The following RUNX2 variants were observed in gnomAD, a reference collection of about 807,000 sequenced individuals.
RUNX2 encodes the protein RUNX family transcription factor 2, also known as runt-related transcription factor 2.
A neutral mutation model predicts 51.7 loss-of-function variants in RUNX2; 10 were observed. That is an observed-to-expected ratio of 0.19 (90% CI 0.12 to 0.33). RUNX2 has a LOEUF of 0.33. Among genes scored for constraint, RUNX2 ranks in the 10% least tolerant of loss-of-function variants. The pLI, the probability that RUNX2 is intolerant of heterozygous loss-of-function variation, is 1.00. For missense variants in RUNX2, 562 were observed against 691.3 expected (o/e 0.81, Z 2.10); for synonymous variants, 276 against 273.6 (o/e 1.01, Z -0.09).
At chr6:45,499,758 T>C (rs1216458482) in intron 6 of RUNX2, among the ~76,000 whole-genome samples, 1 of 152,190 alleles carries the variant, frequency 6.6e-6, no homozygotes, top group African/African-American at 2.4e-5. Context: ...GAAGGGTTCA[T>C]CTCCTATATA....
At chr6:45,431,822 T>C in intron 3 of RUNX2, 41 bp from the exon 4 acceptor site, 1 of 1,608,198 alleles carries the variant, frequency 6.2e-7, no homozygotes. Flanking sequence ...TAAGCCTTTC[T>C]GATGTGCCAT....
chr6:45,530,217 T>C (rs1305238695), intron 7 of RUNX2, among the ~76,000 whole-genome samples: 3 of 152,248 alleles, frequency 2.0e-5, no homozygotes, highest in African/African-American at 4.8e-5. Flanking sequence ...GGGGTCTTCC[T>C]ACCACCATTT....
intron 2 of RUNX2, among the ~76,000 whole-genome samples, chr6:45,333,023 C>T (rs1440310645): frequency 1.3e-5 from 2 of 151,700 alleles, no homozygotes; most frequent in Non-Finnish European, 3.0e-5. Context: ...ACAATGAACT[C>T]CAATACTTGG....
chr6:45,369,189 T>G (rs1795635519), intron 2 of RUNX2, among the ~76,000 whole-genome samples: 1 of 152,054 alleles, frequency 6.6e-6, no homozygotes, highest in African/African-American at 2.4e-5. Flanking sequence ...CAGCCTCCTT[T>G]TCTACCACAG....
At chr6:45,423,124 G>C (rs2150362865) in intron 3 of RUNX2, among the ~76,000 whole-genome samples, 167 bp downstream of exon 3, 1 of 152,050 alleles carries the variant, frequency 6.6e-6, no homozygotes, top group Non-Finnish European at 1.5e-5. Flanking sequence ...GCCCTGGCGG[G>C]CTCGGGGCTC....
At chr6:45,516,837 G>A (rs575880461) in intron 7 of RUNX2, among the ~76,000 whole-genome samples, 1 of 152,168 alleles carries the variant, frequency 6.6e-6, no homozygotes, top group Admixed American at 6.5e-5. Context: ...AATAATTGCT[G>A]ACTTTCAAAA....
intron 2 of RUNX2, among the ~76,000 whole-genome samples, chr6:45,406,859 T>C (rs947744183): frequency 6.6e-6 from 1 of 152,156 alleles, no homozygotes; most frequent in Non-Finnish European, 1.5e-5. Flanking sequence ...CTAGGAAATA[T>C]ATGTGCTTTA....
chr6:45,422,311 G>A, intron 2 of RUNX2: 1 of 354,894 alleles, frequency 2.8e-6, no homozygotes, highest in Non-Finnish European at 5.1e-6. Context: ...CTGCCACCCC[G>A]GGTGTTCCAA....
chr6:45,507,346 G>C (rs1257003702), intron 6 of RUNX2, among the ~76,000 whole-genome samples: 1 of 152,062 alleles, frequency 6.6e-6, no homozygotes. Flanking sequence ...GTAACTTTAG[G>C]ATTGACTGAT....
rs556958989 is a variant in RUNX2, at chr6:45,509,711, G to A, written c.860-2535G>A. On this transcript the variant is annotated intron_variant, in intron 6 of 8. Transcript: ENST00000647337. Reference sequence around the variant, plus strand: ...CTAGAAAGCCCACTTGTTTCCCACTGTACTGAGCCGCCTTTCTGCACAAGG... The same window carrying A: ...CTAGAAAGCCCACTTGTTTCCCACTATACTGAGCCGCCTTTCTGCACAAGG... Among the ~76,000 whole-genome samples, 17 of 152,298 alleles carry A rather than the reference G, an allele frequency of 1.1e-4. No individual in the cohort carries two copies. The South Asian group carries it at 3.3e-3, about 30-fold the overall frequency.
At chr6:45,425,014 T>G (rs1563080789) in intron 3 of RUNX2, among the ~76,000 whole-genome samples, 1 of 152,132 alleles carries the variant, frequency 6.6e-6, no homozygotes, top group Non-Finnish European at 1.5e-5. Context: ...TATATGAGAA[T>G]GGAAATTTGT....
chr6:45,505,569 T>A (rs1800940617), intron 6 of RUNX2, among the ~76,000 whole-genome samples: 2 of 152,142 alleles, frequency 1.3e-5, no homozygotes, highest in Non-Finnish European at 2.9e-5. Flanking sequence ...TCAGAAGCTG[T>A]GGTCCTGCTC....
Position 45,365,539 on chromosome 6 carries a change from T to G in RUNX2, c.58+36755T>G, listed in dbSNP as rs566334949. Among the ~76,000 whole-genome samples, 8 of 151,720 alleles carry G rather than the reference T, an allele frequency of 5.3e-5. No individual in the cohort carries two copies. The East Asian group carries it at 1.5e-3, about 29-fold the overall frequency. ...TTACTCACTTCAGTGATAAATACTTTAGCACCTATTTTACAATAGGTAATG... is the reference window on the plus strand; with the variant it reads ...TTACTCACTTCAGTGATAAATACTTGAGCACCTATTTTACAATAGGTAATG... On this transcript the variant is annotated intron_variant, in intron 2 of 8. Transcript: ENST00000647337.
intron 6 of RUNX2, among the ~76,000 whole-genome samples, chr6:45,507,150 A>G (rs1417922104): frequency 6.6e-6 from 1 of 152,034 alleles, no homozygotes; most frequent in Non-Finnish European, 1.5e-5. Flanking sequence ...GTGTTAGGAC[A>G]TGGTTCTTCC....
chr6:45,518,976 T>C (rs1801417690), intron 7 of RUNX2, among the ~76,000 whole-genome samples: 1 of 152,204 alleles, frequency 6.6e-6, no homozygotes, highest in Admixed American at 6.5e-5. Flanking sequence ...CTTTGTATCA[T>C]TCTCAGATAC....
At chr6:45,401,234 G>T (rs1797708466) in intron 2 of RUNX2, among the ~76,000 whole-genome samples, 1 of 152,078 alleles carries the variant, frequency 6.6e-6, no homozygotes, top group Non-Finnish European at 1.5e-5. Context: ...ATCATTCTTT[G>T]TTATCTTCTA....
chr6:45,475,396 G>T (rs1348248882), intron 5 of RUNX2, among the ~76,000 whole-genome samples: 1 of 152,176 alleles, frequency 6.6e-6, no homozygotes, highest in African/African-American at 2.4e-5. Flanking sequence ...GTAGATAGAT[G>T]ATGACTTTTA....
intron 6 of RUNX2, among the ~76,000 whole-genome samples, chr6:45,501,181 G>A (rs1234278301): frequency 1.3e-5 from 2 of 152,158 alleles, no homozygotes; most frequent in African/African-American, 2.4e-5. Context: ...AACACAATCC[G>A]CTAGCTATGC....
At chr6:45,441,315 G>A (rs1037012116) in intron 5 of RUNX2, among the ~76,000 whole-genome samples, 6 of 152,114 alleles carry the variant, frequency 3.9e-5, no homozygotes, top group African/African-American at 1.4e-4. Flanking sequence ...GACAAATTCT[G>A]GGTTAACTGG....
Sources: gnomAD v4.1 joint callset for allele counts (sites outside exome capture counted in the v4.1 genomes callset) on GRCh38, gnomAD v4.1.1 for gene constraint, MANE v1.5 for transcripts, NCBI Gene and HGNC (gene_info 2026-07-23, HGNC 2026-07-21) for gene names.